The following LDB1 variants were observed in gnomAD, a reference collection of about 807,000 sequenced individuals.
LDB1 encodes the protein LIM domain binding 1.
Under a neutral mutation model 49.7 loss-of-function variants are expected in LDB1, and 6 were observed. The observed-to-expected ratio is 0.12, with a 90% confidence interval of 0.07 to 0.24. The LOEUF is 0.24. Among genes scored for constraint, LDB1 ranks in the 10% least tolerant of loss-of-function variants. The pLI is 1.00. For missense variants in LDB1, 341 were observed against 561.7 expected, an observed-to-expected ratio of 0.61 and a Z score of 3.97; for synonymous variants, 233 against 202.0, an observed-to-expected ratio of 1.15 and a Z score of -1.30.
intron 10 of LDB1, 56 bp downstream of exon 10, chr10:102,108,973 G>C (rs543195780): frequency 2.5e-6 from 4 of 1,610,450 alleles, no homozygotes; most frequent in Non-Finnish European, 3.4e-6. Flanking sequence ...CTTGGAAAGG[G>C]GTCAGGGGTG....
chr10:102,114,772 T>A, intron 1 of LDB1: 1 of 935,372 alleles, frequency 1.1e-6, no homozygotes. Flanking sequence ...CCTTCTCGGC[T>A]CTCCCCGCCG....
intron 1 of LDB1, chr10:102,114,331 C>A: frequency 1.0e-6 from 1 of 986,052 alleles, no homozygotes; most frequent in Non-Finnish European, 1.2e-6. Context: ...TCTCCCCCAG[C>A]CCGCAGATCA....
chr10:102,108,034 C>T lies in LDB1; in HGVS notation c.*59G>A. 2.3e-6 allele frequency: 3 copies of T among 1,304,534 alleles called. No homozygotes were observed. Among genetic ancestry groups the T allele is most frequent in the Non-Finnish European group, 3.3e-6 (3 of 904,640 alleles). The allele number at this position is 1,304,534 out of a possible 1,614,324, so 80.8% of individuals were successfully genotyped here. The stretch of plus-strand genomic sequence containing the variant: ...GTCTCTTCATTCTGTCTTCTGCTCC[C>T]TGGGGCTGTGAGGGGTGGGGCAGGT... On this transcript the variant is annotated 3_prime_UTR_variant, in exon 11 of 11. Coordinates refer to ENST00000673968, the MANE Select transcript of LDB1 (RefSeq NM_001113407.3).
In LDB1 at chr10:102,109,787, CT is replaced by C; in HGVS notation, c.649-105del. 6 of 1,548,254 alleles carry C rather than the reference CT, an allele frequency of 3.9e-6. No individual in the cohort carries two copies. The highest frequency in any genetic ancestry group is 5.3e-6 in the Non-Finnish European group (6 of 1,125,238). On this transcript the variant is annotated intron_variant, in intron 7 of 10. Transcript: ENST00000673968. This position sits in a 1 kb window ranked among gnomAD's most constrained non-coding sequence, Gnocchi z 5.8. ...TGACACTCCTGAGAGAGGATAGTCT[CT>C]TATTAAACCTGCTGTTCAGATGAAG... is the stretch of plus-strand genomic sequence containing the variant.
chr10:102,111,575 G>T, intron 1 of LDB1, 39 bp from the exon 2 acceptor site: 1 of 1,243,474 alleles, frequency 8.0e-7, no homozygotes, highest in Non-Finnish European at 1.1e-6. Flanking sequence ...GGGCGCGGTG[G>T]CTCACATCTG....
intron 1 of LDB1, chr10:102,114,854 G>T: frequency 2.0e-6 from 2 of 983,664 alleles, no homozygotes; most frequent in Non-Finnish European, 2.4e-6. Context: ...TCTGCTGGGG[G>T]CACCAGGAGA....
downstream of LDB1, among the ~76,000 whole-genome samples, chr10:102,105,458 G>A (rs976176268): frequency 2.0e-5 from 3 of 152,064 alleles, no homozygotes; most frequent in African/African-American, 7.2e-5. Flanking sequence ...TCAGGTCCAG[G>A]GAGAACTTAG....
downstream of LDB1, among the ~76,000 whole-genome samples, chr10:102,106,125 C>T (rs953215064): frequency 6.6e-6 from 1 of 152,116 alleles, no homozygotes; most frequent in Non-Finnish European, 1.5e-5. Context: ...CCCACCCCTC[C>T]CTCAACGGCA....
Position 102,114,280 on chromosome 10 carries a change from C to T in LDB1, c.26-2744G>A, listed in dbSNP as rs978192597. 4 of 953,564 alleles carry T rather than the reference C, an allele frequency of 4.2e-6. No homozygotes were observed. In the African/African-American group the frequency reaches 7.1e-5, roughly 17 times the overall value. 59.1% of individuals were successfully genotyped at this position (953,564 alleles called of 1,614,324 possible). On this transcript the variant is annotated intron_variant, in intron 1 of 10. Transcript: ENST00000673968. ...CTCCCTTTAGGGACTGGCCACAGGT[C>T]AGCAGGCCTGAGCGCCCCGGCGGCT...
chr10:102,110,735 G>T, intron 5 of LDB1, 34 bp from the exon 6 acceptor site: 3 of 1,603,612 alleles, frequency 1.9e-6, no homozygotes, highest in Non-Finnish European at 2.6e-6. Flanking sequence ...CAGGACAAAG[G>T]GACCGCAAAA....
At chr10:102,112,677 T>G (rs2068272648) in intron 1 of LDB1, among the ~76,000 whole-genome samples, 2 of 148,414 alleles carry the variant, frequency 1.3e-5, no homozygotes, top group South Asian at 4.5e-4. Context: ...CTTCTGAGAC[T>G]TGGGAGTCGG....
rs2133495559 is a variant in LDB1, at chr10:102,106,916, C to T, written c.*1177G>A. On this transcript the variant is annotated 3_prime_UTR_variant, in exon 11 of 11. Coordinates refer to ENST00000673968, the MANE Select transcript of LDB1 (RefSeq NM_001113407.3). ...GGCAGGTGAAGACCCTCTACCTCTACCTCACCTATGGGGACAGAGGCCTGT... is the reference window on the plus strand; with the variant it reads ...GGCAGGTGAAGACCCTCTACCTCTATCTCACCTATGGGGACAGAGGCCTGT... Among the ~76,000 whole-genome samples, 1 of 152,250 alleles carries T rather than the reference C, an allele frequency of 6.6e-6. No individual in the cohort carries two copies. The highest frequency in any genetic ancestry group is 1.9e-4 in the East Asian group (1 of 5,178).
At chr10:102,114,812 G>GGCCCCC in intron 1 of LDB1, 41 of 929,776 alleles carry the variant, frequency 4.4e-5, no homozygotes, top group Non-Finnish European at 5.0e-5. Context: ...CCTCCGAGCA[G>GGCCCCC]CCCGCCCGCC....
chr10:102,116,042 T>C (rs2068332644), intron 1 of LDB1, among the ~76,000 whole-genome samples: 1 of 152,174 alleles, frequency 6.6e-6, no homozygotes, highest in Non-Finnish European at 1.5e-5. Flanking sequence ...TATTCACACA[T>C]AACTCCAAGG....
Position 102,110,882 on chromosome 10 carries a change from T to G in LDB1, c.339A>C (p.Gly113=). Residue 113 remains glycine, a synonymous_variant, in exon 5 of 11, where the codon GGA becomes GGC. Coordinates refer to ENST00000673968, the MANE Select transcript of LDB1 (RefSeq NM_001113407.3). ...MLTITFCLED[G]PKRYTIGRTL... ...GAGGCCACTTACTATATCTCTTTGG[T>G]CCATCCTCCAGGCAGAAAGTGATGG... 6.2e-7 allele frequency: 1 copy of G among 1,613,926 alleles called. No homozygotes were observed. Among genetic ancestry groups the G allele is most frequent in the Admixed American group, 1.7e-5 (1 of 60,022 alleles).
At chr10:102,110,733 A>G in intron 5 of LDB1, 32 bp from the exon 6 acceptor site, 1 of 1,604,046 alleles carries the variant, frequency 6.2e-7, no homozygotes, top group Non-Finnish European at 8.5e-7. Flanking sequence ...TTCAGGACAA[A>G]GGGACCGCAA....
Position 102,107,792 on chromosome 10 carries a change from G to A in LDB1, c.*301C>T, listed in dbSNP as rs2068185731. ...GGATGGGAAACCCACAATCTGGGGT[G>A]AAGATGGAGGCAAATGCCCTGGGGG... On this transcript the variant is annotated 3_prime_UTR_variant, in exon 11 of 11. Transcript: ENST00000673968. 8.9e-6 allele frequency: 4 copies of A among 449,040 alleles called. No individual in the cohort carries two copies. 27.8% of individuals were successfully genotyped at this position (449,040 alleles called of 1,614,324 possible). A position where few individuals can be genotyped will look rare whatever the true frequency, so the allele number is the denominator to read the frequency against.
In LDB1 at chr10:102,110,011, G is replaced by A. The variant is rs866507107; in HGVS notation, c.558C>T (p.Phe186=). The A allele has an allele frequency of 1.2e-6, 2 of 1,613,428 alleles. No individual in the cohort carries two copies. Among genetic ancestry groups the A allele is most frequent in the South Asian group, 1.1e-5 (1 of 91,032 alleles). ...VCVEGRLYLE[F]MFDDMMRIKT... is the part of the protein sequence containing the mutation. ...TTATCCGCATCATGTCGTCAAACAT[G>A]AACTCCAGGTACAACCGGCCCTCCA... Residue 186 remains phenylalanine (F), a synonymous_variant, in exon 7 of 11, where the codon TTC becomes TTT. Coordinates refer to ENST00000673968, the MANE Select transcript of LDB1 (RefSeq NM_001113407.3).
chr10:102,106,999 GGACA>G lies in LDB1; in HGVS notation c.*1090_*1093del, dbSNP rs1363274617. Among the ~76,000 whole-genome samples the G allele has an allele frequency of 2.0e-5, 3 of 152,136 alleles. No homozygotes were observed. Among genetic ancestry groups the G allele is most frequent in the African/African-American group, 7.2e-5 (3 of 41,420 alleles). ...TCTGTGGCTCCTTCCCCTCTATGAA[GGACA>G]GAGTAGGATTACATATGCAGTTGGA... On this transcript the variant is annotated 3_prime_UTR_variant, in exon 11 of 11. Transcript: ENST00000673968.
Sources: gnomAD v4.1 joint callset for allele counts (sites outside exome capture counted in the v4.1 genomes callset) on GRCh38, gnomAD v4.1.1 for gene constraint, Gnocchi (gnomAD v3.1) non-coding constraint, MANE v1.5 for transcripts, NCBI Gene and HGNC (gene_info 2026-07-23, HGNC 2026-07-21) for gene names.